The following KCNH7 variants were observed in gnomAD, a reference collection of about 807,000 sequenced individuals.
KCNH7 encodes voltage-gated inwardly rectifying potassium channel KCNH7.
KCNH7 carries 49 observed loss-of-function variants against 120.8 expected under a neutral mutation model. That is an observed-to-expected ratio of 0.41 (90% CI 0.32 to 0.51). The LOEUF (loss-of-function observed/expected upper bound fraction) is 0.51. KCNH7 is among the 20% of genes least tolerant of loss of function. The pLI is 0.38. For missense variants in KCNH7, 1,097 were observed against 1,446.6 expected, an observed-to-expected ratio of 0.76 and a Z score of 3.92; for synonymous variants, 547 against 516.1, an observed-to-expected ratio of 1.06 and a Z score of -0.81.
At chr2:162,728,613 T>C (rs1687611971) in intron 2 of KCNH7, among the ~76,000 whole-genome samples, 1 of 152,108 alleles carries the variant, frequency 6.6e-6, no homozygotes, top group South Asian at 2.1e-4. Flanking sequence ...ACCCTGTCTC[T>C]ACTAAAACTA....
chr2:162,809,904 C>T (rs142129706), intron 2 of KCNH7, among the ~76,000 whole-genome samples: 11 of 128,518 alleles, frequency 8.6e-5, no homozygotes, highest in Admixed American at 2.4e-4. Flanking sequence ...ATGTTCTCAC[C>T]TATTCTTTTT....
chr2:162,502,127 C>G (rs894801456), intron 6 of KCNH7: 3 of 152,038 alleles, frequency 2.0e-5, no homozygotes, highest in Non-Finnish European at 4.4e-5. Context: ...ATGGACTTTA[C>G]TGCTTTCATA....
intron 2 of KCNH7, among the ~76,000 whole-genome samples, chr2:162,764,570 T>C (rs1184562868): frequency 6.6e-6 from 1 of 152,114 alleles, no homozygotes; most frequent in Non-Finnish European, 1.5e-5. Flanking sequence ...ATTTTTCCAG[T>C]AGAATTATGT....
chr2:162,490,716 A>G (rs949727321), intron 6 of KCNH7, among the ~76,000 whole-genome samples: 1 of 152,156 alleles, frequency 6.6e-6, no homozygotes, highest in Non-Finnish European at 1.5e-5. Context: ...CATCACTCTC[A>G]GGGCTTGGGA....
Position 162,735,319 on chromosome 2 carries a change from G to A in KCNH7, c.307+101218C>T, listed in dbSNP as rs1559107215. Among the ~76,000 whole-genome samples the A allele has an allele frequency of 5.3e-5, 8 of 152,186 alleles. No homozygotes were observed. The South Asian group carries it at 1.7e-3, about 32-fold the overall frequency. The stretch of plus-strand genomic sequence containing the variant: ...ACCCTCTCCTTGTTCGGAGAGTGAA[G>A]CCACATTCACATGACAAGGTTAAAA... On this transcript the variant is annotated intron_variant, in intron 2 of 15. Coordinates refer to ENST00000332142, the MANE Select transcript of KCNH7 (RefSeq NM_033272.4).
intron 7 of KCNH7, among the ~76,000 whole-genome samples, chr2:162,438,060 T>C (rs1177188733): frequency 2.0e-5 from 3 of 152,204 alleles, no homozygotes. Context: ...TTGAGAATTA[T>C]GGTTAAAATT....
chr2:162,414,742 T>C (rs921559430), intron 9 of KCNH7, among the ~76,000 whole-genome samples: 2 of 152,028 alleles, frequency 1.3e-5, no homozygotes, highest in African/African-American at 4.8e-5. Context: ...AAAATTGAAG[T>C]ATAAAAAAAT....
chr2:162,767,198 C>A (rs1682851002), intron 2 of KCNH7, among the ~76,000 whole-genome samples: 1 of 151,910 alleles, frequency 6.6e-6, no homozygotes, highest in African/African-American at 2.4e-5. Flanking sequence ...TCTTGTCATT[C>A]CTAGTATGTT....
chr2:162,833,926 C>T (rs1044058702), intron 2 of KCNH7, among the ~76,000 whole-genome samples: 7 of 152,144 alleles, frequency 4.6e-5, no homozygotes, highest in African/African-American at 1.7e-4. Context: ...TTACATCACT[C>T]TTCATATTCT....
At chr2:162,625,817 A>G (rs929803455) in intron 2 of KCNH7, among the ~76,000 whole-genome samples, 1 of 152,162 alleles carries the variant, frequency 6.6e-6, no homozygotes, top group Non-Finnish European at 1.5e-5. Context: ...GAGTGAAATG[A>G]AAAGATATAG....
At chr2:162,759,779 A>T (rs1688906851) in intron 2 of KCNH7, among the ~76,000 whole-genome samples, 1 of 152,090 alleles carries the variant, frequency 6.6e-6, no homozygotes, top group Non-Finnish European at 1.5e-5. Context: ...AGCTTTTGGA[A>T]TTTTTAAAAT....
chr2:162,827,151 T>C (rs1685314682), intron 2 of KCNH7, among the ~76,000 whole-genome samples: 1 of 152,080 alleles, frequency 6.6e-6, no homozygotes, highest in African/African-American at 2.4e-5. Context: ...GGAGGCATTT[T>C]AAATAAACCA....
intron 6 of KCNH7, among the ~76,000 whole-genome samples, chr2:162,482,032 A>G (rs1396782540): frequency 6.6e-6 from 1 of 151,824 alleles, no homozygotes; most frequent in Non-Finnish European, 1.5e-5. Context: ...CTTCTTTTTC[A>G]TCATCATCAT....
intron 2 of KCNH7, among the ~76,000 whole-genome samples, chr2:162,674,368 C>A (rs773734139): frequency 3.3e-5 from 5 of 151,710 alleles, no homozygotes; most frequent in Non-Finnish European, 7.4e-5. Context: ...GTAAATGGAA[C>A]AATATCCACA....
At chr2:162,612,985 G>T (rs1683020210) in intron 2 of KCNH7, among the ~76,000 whole-genome samples, 2 of 151,810 alleles carry the variant, frequency 1.3e-5, no homozygotes, top group Non-Finnish European at 2.9e-5. Context: ...GAACTTAGAG[G>T]GTAGAATAAG....
At chr2:162,785,571 C>T (rs1041559761) in intron 2 of KCNH7, among the ~76,000 whole-genome samples, 21 of 151,636 alleles carry the variant, frequency 1.4e-4, no homozygotes, top group African/African-American at 4.8e-4. Context: ...TTTGCAGTCA[C>T]TCAAATCTAA....
chr2:162,723,602 C>A (rs1233622036), intron 2 of KCNH7, among the ~76,000 whole-genome samples: 1 of 152,146 alleles, frequency 6.6e-6, no homozygotes, highest in African/African-American at 2.4e-5. Flanking sequence ...TAATTCTATT[C>A]ATTTTTCTAT....
At chr2:162,381,180 G>A (rs1379915609) in intron 13 of KCNH7, among the ~76,000 whole-genome samples, 2 of 152,044 alleles carry the variant, frequency 1.3e-5, no homozygotes, top group Non-Finnish European at 2.9e-5. Flanking sequence ...CAGAGAAAGA[G>A]ATTTGAATTA....
intron 2 of KCNH7, among the ~76,000 whole-genome samples, chr2:162,590,787 C>T (rs1162972774): frequency 6.6e-6 from 1 of 152,106 alleles, no homozygotes; most frequent in Admixed American, 6.6e-5. Flanking sequence ...ATAGTCTCCA[C>T]TTCTCCTCTT....
Sources: gnomAD v4.1 joint callset for allele counts (sites outside exome capture counted in the v4.1 genomes callset) on GRCh38, gnomAD v4.1.1 for gene constraint, MANE v1.5 for transcripts, NCBI Gene and HGNC (gene_info 2026-07-23, HGNC 2026-07-21) for gene names.